ATIC: variants seen among roughly 807,000 people sequenced by gnomAD.
ATIC encodes bifunctional purine biosynthesis protein ATIC.
ATIC carries 64 observed loss-of-function variants against 72.5 expected under a neutral mutation model. The ratio of observed to expected loss-of-function variants is 0.88; its 90% CI spans 0.72 to 1.09. The LOEUF (loss-of-function observed/expected upper bound fraction) is 1.09. Among genes scored for constraint, ATIC ranks in the 50% least tolerant of loss-of-function variants. The pLI is 0.00. For synonymous variants in ATIC, 281 were observed against 267.1 expected, an observed-to-expected ratio of 1.05 and a Z score of -0.51; for missense variants, 787 against 732.4, an observed-to-expected ratio of 1.07 and a Z score of -0.86.
the ATIC span, among the ~76,000 whole-genome samples, chr2:215,358,818 A>G: frequency 6.6e-6 from 1 of 152,218 alleles, no homozygotes; most frequent in Non-Finnish European, 1.5e-5. Flanking sequence ...TTTCAACATA[A>G]AAGTAAAGGG....
the ATIC span, among the ~76,000 whole-genome samples, chr2:215,359,922 AT>A: frequency 1.3e-5 from 2 of 152,014 alleles, no homozygotes; most frequent in Non-Finnish European, 2.9e-5. Flanking sequence ...ACTATTTACT[AT>A]TCTGAATGTC....
chr2:215,333,202 T>A, intron 8 of ATIC, 148 bp from the exon 9 acceptor site: 1 of 701,068 alleles, frequency 1.4e-6, no homozygotes, highest in Non-Finnish European at 2.5e-6. Context: ...TGTATAATTA[T>A]CTGGCTAAAT....
chr2:215,358,488 CTG>C, the ATIC span, among the ~76,000 whole-genome samples: 2 of 152,066 alleles, frequency 1.3e-5, no homozygotes, highest in African/African-American at 4.8e-5. Flanking sequence ...AGTAAACAAA[CTG>C]TTTAGCTGGG....
chr2:215,336,618 T>C (rs1451349985), intron 11 of ATIC, among the ~76,000 whole-genome samples: 3 of 152,252 alleles, frequency 2.0e-5, no homozygotes, highest in African/African-American at 7.2e-5. Context: ...AATATTTGCA[T>C]GTGCATTTCT....
intron 8 of ATIC, among the ~76,000 whole-genome samples, chr2:215,333,044 T>C (rs558723404): frequency 2.0e-5 from 3 of 152,214 alleles, no homozygotes; most frequent in South Asian, 2.1e-4. Flanking sequence ...CAAAGTGATA[T>C]CAAGCAGAAC....
intron 2 of ATIC, among the ~76,000 whole-genome samples, chr2:215,316,475 T>G (rs894334979): frequency 6.6e-6 from 1 of 152,180 alleles, no homozygotes; most frequent in African/African-American, 2.4e-5. Context: ...CTTGGAGGAT[T>G]ACTTAATAAG....
At chr2:215,347,146 T>C in intron 14 of ATIC, 1 of 669,168 alleles carries the variant, frequency 1.5e-6, no homozygotes, top group Non-Finnish European at 2.5e-6. Context: ...TTGACCCCTT[T>C]CTGAAACCAC....
downstream of ATIC, among the ~76,000 whole-genome samples, chr2:215,350,200 C>T (rs867402310): frequency 1.3e-5 from 2 of 152,162 alleles, no homozygotes; most frequent in Middle Eastern, 3.4e-3. Context: ...TCCGTGGCAC[C>T]GTCTTGGCTC....
the ATIC span, chr2:215,361,161 A>G: frequency 2.6e-5 from 6 of 231,978 alleles, no homozygotes; most frequent in Non-Finnish European, 8.6e-6. Context: ...ATTGCGGGCC[A>G]GACACTTAAG....
chr2:215,319,179 C>G (rs1249932155), intron 3 of ATIC, among the ~76,000 whole-genome samples: 1 of 152,134 alleles, frequency 6.6e-6, no homozygotes, highest in South Asian at 2.1e-4. Flanking sequence ...TGTGGCCAGC[C>G]AGATATATCT....
chr2:215,332,697 G>C (rs79918378), intron 8 of ATIC, among the ~76,000 whole-genome samples, 190 bp downstream of exon 8: 2,254 of 152,188 alleles, frequency 0.015, 50 homozygotes, highest in African/African-American at 0.051. Context: ...GTGTAATATT[G>C]TCAGGAAAAT....
chr2:215,337,037 CT>C (rs1215718401), intron 11 of ATIC, among the ~76,000 whole-genome samples: 1 of 148,786 alleles, frequency 6.7e-6, no homozygotes, highest in African/African-American at 2.5e-5. Context: ...TTTCTATGAA[CT>C]GTCTTTCCAT....
At chr2:215,312,185 G>T in intron 1 of ATIC, 24 bp downstream of exon 1, 1 of 1,498,864 alleles carries the variant, frequency 6.7e-7, no homozygotes, top group South Asian at 1.3e-5. Flanking sequence ...GGAGCGGCGC[G>T]GTCTGCGTCC....
the ATIC span, among the ~76,000 whole-genome samples, chr2:215,358,468 T>G: frequency 2.6e-5 from 4 of 152,190 alleles, no homozygotes; most frequent in Non-Finnish European, 4.4e-5. Context: ...TTCTCCTGTT[T>G]GAGATCAGGA....
At chr2:215,360,734 A>G in the ATIC span, 1 of 152,652 alleles carries the variant, frequency 6.6e-6, no homozygotes, top group Admixed American at 6.5e-5. Context: ...GATTTAGAAA[A>G]TCTTGTACTG....
In ATIC at chr2:215,325,320, A is replaced by C; in HGVS notation, c.370A>C (p.Ile124Leu). 6.2e-7 allele frequency: 1 copy of C among 1,613,010 alleles called. No homozygotes were observed. The highest frequency in any genetic ancestry group is 8.5e-7 in the Non-Finnish European group (1 of 1,179,026). The change falls in exon 5 of 16, where the codon ATT becomes CTT. Residue 124 changes from isoleucine to leucine, a missense_variant. By Grantham distance (5) the Ile-to-Leu change is conservative. Transcript: ENST00000236959. ...AACTGTTGAGGAGGCTGTGGAGCAA[A>C]TTGACATTGGTAAGTCAGAAAAACC... ...GVTVEEAVEQ[I>L]DIGGVTLLRA...
At chr2:215,344,694 C>CA in intron 12 of ATIC, 85 bp from the exon 13 acceptor site, 4 of 1,360,930 alleles carry the variant, frequency 2.9e-6, no homozygotes, top group Non-Finnish European at 3.1e-6. Flanking sequence ...AAAAAAACCA[C>CA]AAAAAATAAT....
chr2:215,332,761 GA>G (rs2052909970), intron 8 of ATIC, among the ~76,000 whole-genome samples: 1 of 152,136 alleles, frequency 6.6e-6, no homozygotes, highest in African/African-American at 2.4e-5. Flanking sequence ...AAATAAAAGT[GA>G]AATGTCCTAA....
chr2:215,314,553 C>T (rs1204505432), intron 2 of ATIC, among the ~76,000 whole-genome samples: 1 of 151,466 alleles, frequency 6.6e-6, no homozygotes, highest in African/African-American at 2.4e-5. Flanking sequence ...GGCTGGAGTG[C>T]AATGGCACTG....
Sources: gnomAD v4.1 joint callset for allele counts (sites outside exome capture counted in the v4.1 genomes callset) on GRCh38, gnomAD v4.1.1 for gene constraint, MANE v1.5 for transcripts, NCBI Gene and HGNC (gene_info 2026-07-23, HGNC 2026-07-21) for gene names.